The following TRPM1 variants were observed in gnomAD, a reference collection of about 807,000 sequenced individuals.
The protein encoded by TRPM1 is TRPM1-203 APA Isoform, Intron 10.
A neutral mutation model predicts 149.4 loss-of-function variants in TRPM1; 113 were observed. The observed-to-expected ratio is 0.76, with a 90% CI of 0.65 to 0.88. The LOEUF is 0.88. TRPM1 is among the 40% of genes least tolerant of loss of function. The pLI is 0.00. For synonymous variants in TRPM1, 741 were observed against 759.5 expected (o/e 0.98, Z 0.40); for missense variants, 1,976 against 2,038.7 (o/e 0.97, Z 0.59).
chr15:31,014,014 C>G (rs1038396908), intron 27 of TRPM1, among the ~76,000 whole-genome samples: 1 of 152,200 alleles, frequency 6.6e-6, no homozygotes, highest in Admixed American at 6.5e-5. Context: ...CCTGCTTGCA[C>G]AGAGCCTCAA....
intron 1 of TRPM1, among the ~76,000 whole-genome samples, chr15:31,143,811 T>C (rs1202165612): frequency 6.6e-6 from 1 of 152,178 alleles, no homozygotes; most frequent in Non-Finnish European, 1.5e-5. Context: ...TAAACAAAAA[T>C]TAGAACGTTT....
At chr15:31,062,434 C>A in intron 9 of TRPM1, 145 bp downstream of exon 9, 1 of 1,057,918 alleles carries the variant, frequency 9.5e-7, no homozygotes, top group Admixed American at 2.1e-5. Flanking sequence ...GACACAGCCA[C>A]CAATTTGGTA....
intron 1 of TRPM1, among the ~76,000 whole-genome samples, chr15:31,125,756 A>T (rs2035942936): frequency 2.1e-5 from 2 of 95,804 alleles, no homozygotes; most frequent in African/African-American, 3.6e-5. Flanking sequence ...AAAAAAAAAA[A>T]TTATTAAAAA....
At position 31,048,054 on chromosome 15, in the gene TRPM1, G is replaced by C. The variant is rs185790878; in HGVS notation, c.1573-115C>G. 3.6e-4 allele frequency: 308 copies of C among 848,016 alleles called. 1 individual carries two copies. The African/African-American group carries it at 4.6e-3, about 13-fold the overall frequency. 52.5% of individuals were successfully genotyped at this position (848,016 alleles called of 1,614,324 possible). A position where few individuals can be genotyped will look rare whatever the true frequency, so the allele number is the denominator to read the frequency against. On this transcript the variant is annotated intron_variant, in intron 13 of 27. Transcript: ENST00000256552. ...AAGGCAGGCAGATCACTTGAGGTCAGTAGTTTGAGGCCAGCCTGGCCAACA... is the reference window on the plus strand; with the variant it reads ...AAGGCAGGCAGATCACTTGAGGTCACTAGTTTGAGGCCAGCCTGGCCAACA...
At chr15:31,038,760 G>A (rs1282779313) in intron 18 of TRPM1, among the ~76,000 whole-genome samples, 1 of 151,976 alleles carries the variant, frequency 6.6e-6, no homozygotes, top group Non-Finnish European at 1.5e-5. Context: ...ATGAAATTTC[G>A]AGGAAGGCAA....
chr15:31,081,861 G>A (rs2034867321), intron 1 of TRPM1, among the ~76,000 whole-genome samples: 1 of 152,176 alleles, frequency 6.6e-6, no homozygotes, highest in Non-Finnish European at 1.5e-5. Context: ...AAGTAAGCCA[G>A]GTCACCCCAG....
At chr15:31,016,180 T>C (rs2032349596) in intron 27 of TRPM1, among the ~76,000 whole-genome samples, 1 of 152,234 alleles carries the variant, frequency 6.6e-6, no homozygotes, top group Non-Finnish European at 1.5e-5. Context: ...TGTTATTTAT[T>C]ATAGGGTTTG....
chr15:31,109,127 TTGACA>T (rs2035647662), intron 1 of TRPM1, among the ~76,000 whole-genome samples: 1 of 151,846 alleles, frequency 6.6e-6, no homozygotes, highest in African/African-American at 2.4e-5. Flanking sequence ...GCAATCAGCT[TTGACA>T]CGCAAGAGGA....
chr15:31,149,537 T>A (rs2036266438), intron 1 of TRPM1, among the ~76,000 whole-genome samples: 1 of 150,600 alleles, frequency 6.6e-6, no homozygotes, highest in South Asian at 2.1e-4. Flanking sequence ...TTTTTTTTTT[T>A]TTTTTTGAGA....
At chr15:31,032,386 G>A (rs2033128601) in intron 22 of TRPM1, among the ~76,000 whole-genome samples, 1 of 151,894 alleles carries the variant, frequency 6.6e-6, no homozygotes, top group Admixed American at 6.6e-5. Context: ...TATTGAGAGA[G>A]ATATACATGT....
Position 31,026,960 on chromosome 15 carries a change from T to C in TRPM1, c.3451A>G (p.Arg1151Gly). 1 of 1,614,152 alleles carries C rather than the reference T, an allele frequency of 6.2e-7. No homozygotes were observed. Among genetic ancestry groups the C allele is most frequent in the Non-Finnish European group, 8.5e-7 (1 of 1,180,022 alleles). ...TCTTGGTCCCCTTCTCTCTTTTTCC[T>C]GCAGCGGCCGCTGAGACGCATAATG... is the stretch of plus-strand genomic sequence containing the variant. ...IIIMRLSGRCRKKREGDQEER... is the reference protein window; with the variant it reads ...IIIMRLSGRCGKKREGDQEER... The change falls in exon 26 of 28, where the codon AGG becomes GGG. Residue 1151 changes from arginine (R) to glycine (G), a missense_variant. Transcript: ENST00000256552.
rs1248013863 is a variant in TRPM1 at position 31,076,909 on chromosome 15, T to C, written c.79A>G (p.Asn27Asp). The C allele has an allele frequency of 1.2e-6, 2 of 1,601,636 alleles. No homozygotes were observed. Among genetic ancestry groups the C allele is most frequent in the Non-Finnish European group, 1.7e-6 (2 of 1,168,862 alleles). Residue 27 changes from asparagine (N) to aspartate (D), a missense_variant, in exon 3 of 28, where the codon AAC (asparagine) becomes GAC (aspartate). Physicochemically the swap from Asn to Asp is conservative, Grantham distance 23. Coordinates refer to ENST00000256552, the MANE Select transcript of TRPM1 (RefSeq NM_001252024.2). ...IFVIPSMKDS[N>D]RCCCGQFTNQ... ...TAATCGTGGATTTCAATTTACCTGT[T>C]AGAGTCTTTCATGCTAGGAATTACA...
At chr15:31,035,797 A>C in intron 20 of TRPM1, 123 bp from the exon 21 acceptor site, 2 of 1,417,448 alleles carry the variant, frequency 1.4e-6, no homozygotes, top group East Asian at 2.3e-5. Flanking sequence ...GGACTGACTC[A>C]TTGAGAGGAA....
chr15:31,143,711 C>G (rs1300616148), intron 1 of TRPM1, among the ~76,000 whole-genome samples: 3 of 152,070 alleles, frequency 2.0e-5, no homozygotes. Flanking sequence ...TTGTGCCCAG[C>G]CTGTCTTCCA....
At chr15:31,073,217 T>C (rs2034604883) in intron 3 of TRPM1, among the ~76,000 whole-genome samples, 1 of 152,170 alleles carries the variant, frequency 6.6e-6, no homozygotes, top group African/African-American at 2.4e-5. Flanking sequence ...TTCTTTTGCA[T>C]GTGGCTATCC....
intron 1 of TRPM1, among the ~76,000 whole-genome samples, chr15:31,131,851 C>T (rs1456212): frequency 0.15 from 23,029 of 150,184 alleles, 2,747 homozygotes; most frequent in East Asian, 0.74. Flanking sequence ...CCTCTCTGGG[C>T]TCTCTGTGAG....
At chr15:31,060,164 G>C (rs2034188812) in intron 11 of TRPM1, 3 of 314,428 alleles carry the variant, frequency 9.5e-6, no homozygotes, top group South Asian at 2.6e-5. Context: ...CACACACACA[G>C]AGTTCTCTAG....
intron 1 of TRPM1, among the ~76,000 whole-genome samples, chr15:31,123,298 T>G (rs1446429761): frequency 6.6e-6 from 1 of 152,156 alleles, no homozygotes; most frequent in East Asian, 1.9e-4. Flanking sequence ...AGATGCAATG[T>G]CAAAAGAATG....
At position 31,030,983 on chromosome 15, in the gene TRPM1, G is replaced by T; in HGVS notation, c.3127C>A (p.Leu1043Ile). 6.2e-7 allele frequency: 1 copy of T among 1,614,098 alleles called. No homozygotes were observed. The highest frequency in any genetic ancestry group is 8.5e-7 in the Non-Finnish European group (1 of 1,180,016). ...YGEVFADQID[L>I]YAMEINPPCG... ...ATCTTACTATGAATTCTACTCTTACGGTCTATCTGGTCTGCAAACACCTCT... is the reference window on the plus strand; with the variant it reads ...ATCTTACTATGAATTCTACTCTTACTGTCTATCTGGTCTGCAAACACCTCT... The change falls in exon 23 of 28, where the codon CTC (leucine) becomes ATC (isoleucine). Residue 1043 changes from leucine to isoleucine, a missense_variant and splice_region_variant. Physicochemically the swap from Leu to Ile is conservative, Grantham distance 5. This residue lies in a region of TRPM1 where 1,332 missense variants were observed against 1,347.1 expected (regional missense o/e 0.99). Transcript: ENST00000256552.
Sources: allele counts gnomAD v4.1 joint callset (sites outside exome capture counted in the v4.1 genomes callset), GRCh38; gene constraint gnomAD v4.1.1; regional missense constraint gnomAD v4.1.1; transcripts MANE v1.5; gene names NCBI Gene and HGNC (gene_info 2026-07-23, HGNC 2026-07-21).